The following ARHGAP12 variants were observed in gnomAD, a reference collection of about 807,000 sequenced individuals.
ARHGAP12 encodes rho GTPase-activating protein 12.
A neutral mutation model predicts 108.6 loss-of-function variants in ARHGAP12; 64 were observed. The observed-to-expected ratio is 0.59, with a 90% CI of 0.48 to 0.73. ARHGAP12 has a LOEUF of 0.73. Ranked by LOEUF, ARHGAP12 falls within the 30% of genes least tolerant of loss-of-function variation. The probability of loss-of-function intolerance (pLI) is 0.00; values close to 1 mark genes in which losing one functional copy is unlikely to be tolerated. For missense variants in ARHGAP12, 940 were observed against 1,005.9 expected (o/e 0.93, Z 0.89); for synonymous variants, 312 against 337.2 (o/e 0.93, Z 0.82).
In ARHGAP12 at chr10:31,831,678, T is replaced by G. The variant is rs559141376; in HGVS notation, c.1448+61A>C. ...ATTGTTTATACTAAAATAATTATAT[T>G]GAGAATTTTTAATTTATTTCAGATG... On this transcript the variant is annotated intron_variant, in intron 10 of 19. Transcript: ENST00000344936. 3.2e-5 allele frequency: 37 copies of G among 1,157,496 alleles called. No individual in the cohort carries two copies. The African/African-American group carries it at 5.4e-4, about 17-fold the overall frequency. 71.7% of individuals were successfully genotyped at this position (1,157,496 alleles called of 1,614,324 possible).
intron 4 of ARHGAP12, among the ~76,000 whole-genome samples, chr10:31,855,785 CTCA>C (rs1031566516): frequency 1.3e-5 from 2 of 152,158 alleles, no homozygotes; most frequent in African/African-American, 4.8e-5. Context: ...TAACAAAATT[CTCA>C]TCATAATTTT....
chr10:31,826,245 G>T, intron 11 of ARHGAP12, 59 bp downstream of exon 11: 1 of 1,359,932 alleles, frequency 7.4e-7, no homozygotes, highest in African/African-American at 1.5e-5. Context: ...TGAAATTCAG[G>T]TACGATACTA....
intron 14 of ARHGAP12, among the ~76,000 whole-genome samples, chr10:31,813,217 CA>C (rs1835083438): frequency 6.6e-6 from 1 of 152,022 alleles, no homozygotes; most frequent in Non-Finnish European, 1.5e-5. Context: ...AAATACACAA[CA>C]AAACAATCCC....
chr10:31,906,557 G>T (rs914270922), intron 3 of ARHGAP12, among the ~76,000 whole-genome samples: 1 of 152,118 alleles, frequency 6.6e-6, no homozygotes, highest in African/African-American at 2.4e-5. Flanking sequence ...GTGGAAGGAA[G>T]GCAAGGTTAT....
intron 3 of ARHGAP12, among the ~76,000 whole-genome samples, chr10:31,883,156 G>A (rs1410546606): frequency 1.3e-5 from 2 of 152,104 alleles, no homozygotes; most frequent in East Asian, 3.9e-4. Flanking sequence ...CTAGCCAGGC[G>A]TGGTGGCACA....
chr10:31,881,984 G>A (rs1248456216), intron 3 of ARHGAP12, among the ~76,000 whole-genome samples: 2 of 147,908 alleles, frequency 1.4e-5, no homozygotes, highest in Non-Finnish European at 3.0e-5. Flanking sequence ...GCTGGATCTC[G>A]GCTCACTGCA....
intron 3 of ARHGAP12, among the ~76,000 whole-genome samples, chr10:31,873,713 T>G (rs1450865659): frequency 6.6e-6 from 1 of 152,356 alleles, no homozygotes; most frequent in South Asian, 2.1e-4. Flanking sequence ...CTGTTCTCAG[T>G]AACTGCTTTC....
intron 9 of ARHGAP12, among the ~76,000 whole-genome samples, chr10:31,832,736 T>G (rs1347925896): frequency 6.6e-6 from 1 of 152,212 alleles, no homozygotes; most frequent in Admixed American, 6.5e-5. Flanking sequence ...ATTTTCTCAA[T>G]GTACTTTAAT....
intron 3 of ARHGAP12, among the ~76,000 whole-genome samples, chr10:31,895,581 G>C (rs556916960): frequency 3.0e-4 from 45 of 152,292 alleles, no homozygotes; most frequent in Non-Finnish European, 5.0e-4. Context: ...TCATTAAAAA[G>C]TCAGGAAACA....
intron 9 of ARHGAP12, among the ~76,000 whole-genome samples, chr10:31,833,027 AAC>A (rs1223523034): frequency 1.4e-4 from 22 of 152,258 alleles, no homozygotes; most frequent in African/African-American, 5.1e-4. Flanking sequence ...AAACATTAAT[AAC>A]ACAATTGTAA....
chr10:31,921,008 G>T (rs1839783497), intron 1 of ARHGAP12, among the ~76,000 whole-genome samples: 1 of 152,164 alleles, frequency 6.6e-6, no homozygotes, highest in African/African-American at 2.4e-5. Flanking sequence ...TGGACAAGGT[G>T]GCTCACGCGT....
intron 3 of ARHGAP12, among the ~76,000 whole-genome samples, chr10:31,906,672 A>T (rs1163417105): frequency 6.6e-6 from 1 of 152,202 alleles, no homozygotes; most frequent in Non-Finnish European, 1.5e-5. Flanking sequence ...TGGCTGGAGA[A>T]ATCTAATAGG....
intron 1 of ARHGAP12, among the ~76,000 whole-genome samples, chr10:31,928,459 C>G (rs552538508): frequency 6.6e-6 from 1 of 150,862 alleles, no homozygotes; most frequent in South Asian, 2.1e-4. Context: ...CGCCGGCCCC[C>G]TCCCCCTCGG....
chr10:31,874,973 C>CAAAAAAA lies in ARHGAP12; in HGVS notation c.685-13322_685-13316dup, dbSNP rs59050160. 4.6e-4 allele frequency among the ~76,000 whole-genome samples: 27 copies of CAAAAAAA among 58,324 alleles called. 1 individual carries two copies. Among genetic ancestry groups the CAAAAAAA allele is most frequent in the South Asian group, 9.8e-4 (1 of 1,024 alleles). 38.3% of individuals were successfully genotyped at this position (58,324 alleles called of 152,430 possible). ...TGGGTGACAACGCAAGACTCTGTCT[C>CAAAAAAA]AAAAAAAAAAAAAAAAAAAAAAAAA... On this transcript the variant is annotated intron_variant, in intron 3 of 19. Transcript: ENST00000344936.
chr10:31,922,733 G>T (rs775403612), intron 1 of ARHGAP12, among the ~76,000 whole-genome samples: 2 of 152,050 alleles, frequency 1.3e-5, no homozygotes, highest in Non-Finnish European at 2.9e-5. Context: ...AAAACGTAAA[G>T]AAGTTACTAC....
Position 31,835,802 on chromosome 10 carries a change from AC to A in ARHGAP12, c.1386+3502del, listed in dbSNP as rs1360253841. Among the ~76,000 whole-genome samples the A allele has an allele frequency of 2.6e-5, 4 of 152,342 alleles. No homozygotes were observed. The East Asian group carries it at 7.7e-4, about 29-fold the overall frequency. ...AAACATCCAGAATGGGTAAATCCAT[AC>A]ATAGAAACAGAATGCAGGCTAGTGG... On this transcript the variant is annotated intron_variant, in intron 9 of 19. Transcript: ENST00000344936.
intron 9 of ARHGAP12, among the ~76,000 whole-genome samples, chr10:31,832,972 C>G (rs552847206): frequency 1.3e-5 from 2 of 151,882 alleles, no homozygotes; most frequent in Non-Finnish European, 2.9e-5. Flanking sequence ...TCCTTAGATA[C>G]GCAAGTTTGA....
In ARHGAP12 at chr10:31,913,436, T is replaced by C. The variant is rs150093584; in HGVS notation, c.-110-2873A>G. On this transcript the variant is annotated intron_variant, in intron 1 of 19. Coordinates refer to ENST00000344936, the MANE Select transcript of ARHGAP12 (RefSeq NM_018287.7). ...AATACACCCAACGGGCCTCCTTTGTTTGGCCTTTTTCTTGTTCTGTTCTGA... is the reference window on the plus strand; with the variant it reads ...AATACACCCAACGGGCCTCCTTTGTCTGGCCTTTTTCTTGTTCTGTTCTGA... The C allele has an allele frequency of 5.6e-4, 94 of 167,388 alleles. No individual in the cohort carries two copies. In the East Asian group the frequency reaches 0.012, roughly 22 times the overall value. The allele number at this position is 167,388 out of a possible 1,614,324, so 10.4% of individuals were successfully genotyped here. A position where few individuals can be genotyped will look rare whatever the true frequency, so the allele number is the denominator to read the frequency against.
chr10:31,819,815 C>G (rs1234922800), intron 12 of ARHGAP12, among the ~76,000 whole-genome samples: 1 of 152,188 alleles, frequency 6.6e-6, no homozygotes, highest in East Asian at 1.9e-4. Flanking sequence ...TCACCCAGCT[C>G]AGCCCAGGCC....
Sources: gnomAD v4.1 joint callset for allele counts (sites outside exome capture counted in the v4.1 genomes callset) on GRCh38, gnomAD v4.1.1 for gene constraint, MANE v1.5 for transcripts, NCBI Gene and HGNC (gene_info 2026-07-23, HGNC 2026-07-21) for gene names.